Variants in KIAA0586 observed in about 807,000 individuals in gnomAD.
KIAA0586 encodes the protein protein TALPID3.
Under a neutral mutation model 169.8 loss-of-function variants are expected in KIAA0586, and 144 were observed. The observed-to-expected ratio is 0.85, with a 90% CI of 0.74 to 0.97. The LOEUF (loss-of-function observed/expected upper bound fraction) is 0.97. Ranked by LOEUF, KIAA0586 falls within the 50% of genes least tolerant of loss-of-function variation. The pLI is 0.00. For missense variants in KIAA0586, 1,854 were observed against 1,823.0 expected, an observed-to-expected ratio of 1.02 and a Z score of -0.31; for synonymous variants, 625 against 612.4, an observed-to-expected ratio of 1.02 and a Z score of -0.30.
At chr14:58,480,311 C>G (rs2041943063) in intron 20 of KIAA0586, among the ~76,000 whole-genome samples, 1 of 149,440 alleles carries the variant, frequency 6.7e-6, no homozygotes, top group African/African-American at 2.5e-5. Flanking sequence ...CTGGTGTTGG[C>G]TGCTTAGACT....
At chr14:58,514,369 A>G (rs1046948264) in intron 29 of KIAA0586, among the ~76,000 whole-genome samples, 9 of 152,094 alleles carry the variant, frequency 5.9e-5, no homozygotes, top group Non-Finnish European at 1.3e-4. Context: ...AATGAAGGAA[A>G]TTCACCTTAT....
In KIAA0586 at chr14:58,487,124, C is replaced by T; in HGVS notation, c.3262C>T (p.His1088Tyr). 1 of 1,613,530 alleles carries T rather than the reference C, an allele frequency of 6.2e-7. No individual in the cohort carries two copies. Among genetic ancestry groups the T allele is most frequent in the Non-Finnish European group, 8.5e-7 (1 of 1,179,618 alleles). Reference sequence around the variant, plus strand: ...AGATTCTTCTCCCTGTGATTCGGATCATGATATGGCTTTTCCTGTGAAAGA... The same window carrying T: ...AGATTCTTCTCCCTGTGATTCGGATTATGATATGGCTTTTCCTGTGAAAGA... ...TPDSSPCDSD[H>Y]DMAFPVKEIC... Residue 1088 changes from histidine (H) to tyrosine (Y), a missense_variant, in exon 22 of 31, where the codon CAT becomes TAT. Physicochemically the swap from His to Tyr is moderately conservative, Grantham distance 83. Coordinates refer to ENST00000652326, the MANE Select transcript of KIAA0586 (RefSeq NM_001329943.3).
intron 29 of KIAA0586, chr14:58,521,303 G>C (rs538807139): frequency 1.8e-6 from 2 of 1,132,990 alleles, no homozygotes; most frequent in Admixed American, 3.5e-5. Context: ...ACACTCTTGT[G>C]CTCCAGAAAT....
Position 58,488,052 on chromosome 14 carries a change from T to C in KIAA0586, c.3470T>C (p.Leu1157Pro), listed in dbSNP as rs1366024514. ...ELPKPWGDGDLPLEEENPNSP... is the reference protein window; with the variant it reads ...ELPKPWGDGDPPLEEENPNSP... The stretch of plus-strand genomic sequence containing the variant: ...CCCAAGCCATGGGGTGATGGAGACC[T>C]GCCACTGGAAGAAGAGAACCCTAAC... Residue 1157 changes from leucine to proline, a missense_variant, in exon 23 of 31, where the codon CTG becomes CCG. Physicochemically the swap from Leu to Pro is moderately conservative, Grantham distance 98. Transcript: ENST00000652326. 2 of 1,610,686 alleles carry C rather than the reference T, an allele frequency of 1.2e-6. No homozygotes were observed. Among genetic ancestry groups the C allele is most frequent in the South Asian group, 1.1e-5 (1 of 90,266 alleles).
rs757943009 is a variant in KIAA0586 at position 58,521,737 on chromosome 14, A to T, written c.4429+9110A>T. The T allele has an allele frequency of 9.5e-5, 79 of 828,792 alleles. No individual in the cohort carries two copies. In the South Asian group the frequency reaches 1.0e-3, roughly 11 times the overall value. The allele number at this position is 828,792 out of a possible 1,614,324, so 51.3% of individuals were successfully genotyped here. Reference sequence around the variant, plus strand: ...ACCTAGAAGAAAATTGAAAAGGAACAGGGGAAACAAGCAGTAGAGATGAAG... The same window carrying T: ...ACCTAGAAGAAAATTGAAAAGGAACTGGGGAAACAAGCAGTAGAGATGAAG... On this transcript the variant is annotated intron_variant, in intron 29 of 30. Transcript: ENST00000652326.
intron 12 of KIAA0586, among the ~76,000 whole-genome samples, chr14:58,459,489 CT>C (rs1032686492): frequency 3.3e-5 from 5 of 151,910 alleles, no homozygotes; most frequent in African/African-American, 1.2e-4. Flanking sequence ...AAAGTGTTTG[CT>C]TTTTTTGAAA....
In KIAA0586 at chr14:58,428,407, C is replaced by T. The variant is rs761150154; in HGVS notation, c.143C>T (p.Ser48Phe). Residue 48 changes from serine (S) to phenylalanine (F), a missense_variant, in exon 1 of 31, where the codon TCT becomes TTT. By Grantham distance (155) the Ser-to-Phe change is radical. Coordinates refer to ENST00000652326, the MANE Select transcript of KIAA0586 (RefSeq NM_001329943.3). ...TTGCCCTGTGTTCCTCCGGCATTGTCTGCAAATAAACGTCTTCCTGTTGGA... is the reference window on the plus strand; with the variant it reads ...TTGCCCTGTGTTCCTCCGGCATTGTTTGCAAATAAACGTCTTCCTGTTGGA... ...DELPCVPPAL[S>F]ANKRLPVGTG... 1.1e-5 allele frequency: 17 copies of T among 1,613,994 alleles called. No homozygotes were observed. In the South Asian group the frequency reaches 1.2e-4, roughly 11 times the overall value.
intron 29 of KIAA0586, among the ~76,000 whole-genome samples, chr14:58,534,917 C>T (rs944396719): frequency 1.3e-5 from 2 of 152,062 alleles, no homozygotes; most frequent in African/African-American, 2.4e-5. Context: ...GTGTACAGCT[C>T]AAAGAATTTT....
In KIAA0586 at chr14:58,525,821, C is replaced by G. The variant is rs540825745; in HGVS notation, c.4429+13194C>G. ...GGTAAAGATCCACTGGCTTCAGATT[C>G]TCACTGCCAGCACAGCAGTCTGAAG... On this transcript the variant is annotated intron_variant, in intron 29 of 30. Transcript: ENST00000652326. Among the ~76,000 whole-genome samples the G allele has an allele frequency of 9.5e-4, 144 of 152,350 alleles. 1 individual carries two copies. The highest frequency in any genetic ancestry group is 1.8e-3 in the Admixed American group (28 of 15,308).
chr14:58,458,851 G>A lies in KIAA0586; in HGVS notation c.1656+306G>A, dbSNP rs140690286. 2.5e-3 allele frequency among the ~76,000 whole-genome samples: 381 copies of A among 152,242 alleles called. 1 individual carries two copies. Among genetic ancestry groups the A allele is most frequent in the Middle Eastern group, 6.8e-3 (2 of 294 alleles). On this transcript the variant is annotated intron_variant, in intron 12 of 30. Coordinates refer to ENST00000652326, the MANE Select transcript of KIAA0586 (RefSeq NM_001329943.3). ...AATTATACTTGCAAAGATATTTGAA[G>A]ACAGTGGATTTAGGAGCATTGACCC...
intron 10 of KIAA0586, among the ~76,000 whole-genome samples, chr14:58,457,407 A>C (rs2039956050): frequency 6.6e-6 from 1 of 152,158 alleles, no homozygotes. Flanking sequence ...AGCTGGGATT[A>C]CAAGGGTGTG....
intron 10 of KIAA0586, 32 bp downstream of exon 10, chr14:58,456,842 T>C (rs1566821190): frequency 9.1e-7 from 1 of 1,094,216 alleles, no homozygotes; most frequent in Non-Finnish European, 1.4e-6. Context: ...AATTGATGAT[T>C]AGTTAAGATA....
At chr14:58,496,930 T>A (rs1039162007) in intron 26 of KIAA0586, among the ~76,000 whole-genome samples, 1 of 152,104 alleles carries the variant, frequency 6.6e-6, no homozygotes, top group South Asian at 2.1e-4. Flanking sequence ...AGGAGTCTTA[T>A]ATTTTTTCAT....
intron 22 of KIAA0586, 133 bp downstream of exon 22, chr14:58,487,299 G>A (rs952450936): frequency 1.2e-5 from 10 of 805,102 alleles, no homozygotes; most frequent in East Asian, 8.3e-5. Flanking sequence ...AATTGATTGC[G>A]ACTTCTTAAA....
the KIAA0586 span, among the ~76,000 whole-genome samples, chr14:58,557,826 T>C: frequency 6.6e-6 from 1 of 151,530 alleles, no homozygotes; most frequent in Non-Finnish European, 1.5e-5. Context: ...GGAAGACTTT[T>C]TCTGCCTTTT....
At chr14:58,474,210 A>G (rs902320903) in intron 18 of KIAA0586, among the ~76,000 whole-genome samples, 1 of 152,126 alleles carries the variant, frequency 6.6e-6, no homozygotes, top group African/African-American at 2.4e-5. Context: ...CATCTCCAAC[A>G]CTGGGGATCA....
intron 6 of KIAA0586, among the ~76,000 whole-genome samples, chr14:58,446,315 G>C (rs1253507929): frequency 6.6e-6 from 1 of 151,772 alleles, no homozygotes; most frequent in African/African-American, 2.4e-5. Context: ...GGCCAACATG[G>C]TGAAACCTCA....
intron 29 of KIAA0586, among the ~76,000 whole-genome samples, chr14:58,531,827 T>TA (rs1451714171): frequency 6.6e-6 from 1 of 152,168 alleles, no homozygotes; most frequent in Admixed American, 6.5e-5. Flanking sequence ...ATGTGGTACA[T>TA]ACACACCATG....
intron 16 of KIAA0586, among the ~76,000 whole-genome samples, chr14:58,468,891 G>A (rs1484474106): frequency 6.6e-6 from 1 of 152,162 alleles, no homozygotes; most frequent in Non-Finnish European, 1.5e-5. Context: ...ATTGAGCCAG[G>A]ACAAATGAGT....
Sources: allele counts gnomAD v4.1 joint callset (sites outside exome capture counted in the v4.1 genomes callset), GRCh38; gene constraint gnomAD v4.1.1; transcripts MANE v1.5; gene names NCBI Gene and HGNC (gene_info 2026-07-23, HGNC 2026-07-21).